The following IL1RAPL1 variants were observed in gnomAD, a reference collection of about 807,000 sequenced individuals.
IL1RAPL1 encodes the protein interleukin 1 receptor accessory protein like 1.
In IL1RAPL1, 3 loss-of-function variants were observed where a neutral mutation model predicts 48.4. The ratio of observed to expected loss-of-function variants is 0.06; its 90% CI spans 0.03 to 0.16. The LOEUF (loss-of-function observed/expected upper bound fraction) is 0.16, where lower values mean the gene tolerates loss of function less well. Among genes scored for constraint, IL1RAPL1 ranks in the 10% least tolerant of loss-of-function variants. The pLI, the probability that IL1RAPL1 is intolerant of heterozygous loss-of-function variation, is 1.00. For missense variants in IL1RAPL1, 349 were observed against 530.6 expected, an observed-to-expected ratio of 0.66 and a Z score of 3.36; for synonymous variants, 185 against 187.7, an observed-to-expected ratio of 0.99 and a Z score of 0.12.
intron 5 of IL1RAPL1, among the ~76,000 whole-genome samples, chrX:29,432,083 A>G (rs759740659): frequency 9.0e-6 from 1 of 111,558 alleles, no homozygotes; most frequent in African/African-American, 3.2e-5. Context: ...AGTAAACCAC[A>G]TAACTTAGGT....
intron 6 of IL1RAPL1, among the ~76,000 whole-genome samples, chrX:29,886,682 C>T (rs1335950008): frequency 8.9e-6 from 1 of 111,930 alleles, no homozygotes; most frequent in African/African-American, 3.2e-5. Context: ...ACTCAGATGA[C>T]TATAGTAATT....
intron 1 of IL1RAPL1, among the ~76,000 whole-genome samples, chrX:28,713,458 C>T (rs1206871587): frequency 2.7e-5 from 3 of 111,178 alleles, no homozygotes; most frequent in Non-Finnish European, 5.7e-5. Flanking sequence ...ATGCATGCCC[C>T]ATAAGTCTTT....
At chrX:29,152,170 A>G (rs1929479913) in intron 2 of IL1RAPL1, among the ~76,000 whole-genome samples, 2 of 111,125 alleles carry the variant, frequency 1.8e-5, no homozygotes, top group Admixed American at 1.9e-4. Context: ...AAGCCACCAG[A>G]TCTCATGAGA....
intron 5 of IL1RAPL1, among the ~76,000 whole-genome samples, chrX:29,434,090 G>A (rs1455766238): frequency 9.2e-6 from 1 of 108,299 alleles, no homozygotes; most frequent in East Asian, 2.8e-4. Flanking sequence ...TTAATTTTAT[G>A]TGTAGGTATT....
At chrX:28,949,770 A>G (rs1248975505) in intron 2 of IL1RAPL1, among the ~76,000 whole-genome samples, 1 of 108,814 alleles carries the variant, frequency 9.2e-6, no homozygotes, top group East Asian at 2.9e-4. Context: ...TCCTTCGCCC[A>G]CTTTTTGATG....
intron 2 of IL1RAPL1, among the ~76,000 whole-genome samples, chrX:28,835,703 T>G (rs1048904060): frequency 1.8e-5 from 2 of 111,276 alleles, no homozygotes; most frequent in Admixed American, 1.9e-4. Context: ...TTTTTGTAGG[T>G]TAAAAGGAAT....
At chrX:28,611,480 A>C (rs1934147164) in intron 1 of IL1RAPL1, among the ~76,000 whole-genome samples, 1 of 112,232 alleles carries the variant, frequency 8.9e-6, no homozygotes, top group Admixed American at 9.4e-5. Context: ...ATATTTCCCA[A>C]AGTGTAAAAT....
At chrX:29,820,983 A>G (rs1425756031) in intron 6 of IL1RAPL1, among the ~76,000 whole-genome samples, 1 of 112,058 alleles carries the variant, frequency 8.9e-6, no homozygotes, top group Non-Finnish European at 1.9e-5. Context: ...TAATTATGAC[A>G]ACATAGATGA....
chrX:29,154,840 G>A (rs1486143944), intron 2 of IL1RAPL1, among the ~76,000 whole-genome samples: 1 of 111,130 alleles, frequency 9.0e-6, no homozygotes, highest in Non-Finnish European at 1.9e-5. Context: ...AGGGAATTAT[G>A]AAAAGATATT....
intron 5 of IL1RAPL1, among the ~76,000 whole-genome samples, chrX:29,426,582 G>A (rs965988476): frequency 1.8e-4 from 20 of 111,493 alleles, no homozygotes; most frequent in Admixed American, 9.6e-5. Flanking sequence ...TTAACTACCC[G>A]TTGACTTAGT....
At chrX:29,874,531 G>T (rs1931864226) in intron 6 of IL1RAPL1, among the ~76,000 whole-genome samples, 1 of 111,550 alleles carries the variant, frequency 9.0e-6, no homozygotes, top group East Asian at 2.8e-4. Context: ...ATTCCATTAT[G>T]AGGTCCACAT....
At chrX:29,465,504 A>T (rs748189002) in intron 5 of IL1RAPL1, among the ~76,000 whole-genome samples, 4 of 111,992 alleles carry the variant, frequency 3.6e-5, no homozygotes, top group Non-Finnish European at 7.5e-5. Flanking sequence ...GAATATGCCA[A>T]GTTGACTAAC....
At chrX:29,365,724 C>G (rs1277074667) in intron 3 of IL1RAPL1, among the ~76,000 whole-genome samples, 2 of 108,606 alleles carry the variant, frequency 1.8e-5, no homozygotes, top group African/African-American at 6.7e-5. Flanking sequence ...AAGAAACTAA[C>G]AGGAAAAATA....
chrX:28,790,530 T>C (rs1412763273), intron 2 of IL1RAPL1, among the ~76,000 whole-genome samples: 3 of 112,777 alleles, frequency 2.7e-5, no homozygotes, highest in African/African-American at 9.7e-5. Flanking sequence ...GGGGAGGGCA[T>C]TGTGCATGGA....
intron 5 of IL1RAPL1, among the ~76,000 whole-genome samples, chrX:29,486,532 CCT>C (rs750356380): frequency 9.8e-6 from 1 of 101,925 alleles, no homozygotes; most frequent in African/African-American, 3.7e-5. Context: ...GAAATTGTAA[CCT>C]CTCTATTCCC....
intron 2 of IL1RAPL1, among the ~76,000 whole-genome samples, chrX:28,821,852 A>T (rs966994327): frequency 1.8e-5 from 2 of 111,255 alleles, no homozygotes; most frequent in Non-Finnish European, 3.8e-5. Context: ...ATCTAAATCA[A>T]ATTGGCCTAA....
chrX:29,368,162 T>C (rs1422559888), intron 3 of IL1RAPL1, among the ~76,000 whole-genome samples: 1 of 111,635 alleles, frequency 9.0e-6, no homozygotes, highest in Non-Finnish European at 1.9e-5. Flanking sequence ...AACAACTATT[T>C]ACATAGGATT....
intron 5 of IL1RAPL1, among the ~76,000 whole-genome samples, chrX:29,657,126 C>A (rs1042056376): frequency 8.9e-6 from 1 of 111,733 alleles, no homozygotes; most frequent in Admixed American, 9.5e-5. Flanking sequence ...TCCATGTTAA[C>A]AATAGCTTTC....
chrX:29,096,120 A>G (rs1432020517), intron 2 of IL1RAPL1, among the ~76,000 whole-genome samples: 4 of 111,657 alleles, frequency 3.6e-5, no homozygotes, highest in African/African-American at 9.7e-5. Flanking sequence ...GTCTATTTCA[A>G]GTTATGTCAG....
Sources: allele counts gnomAD v4.1 joint callset (sites outside exome capture counted in the v4.1 genomes callset), GRCh38; gene constraint gnomAD v4.1.1; transcripts MANE v1.5; gene names NCBI Gene and HGNC (gene_info 2026-07-23, HGNC 2026-07-21).